Variants in MEIS1 observed in about 807,000 individuals in gnomAD.
MEIS1 encodes Meis homeobox 1, also known as homeobox protein Meis1.
Under a neutral mutation model 50.8 loss-of-function variants are expected in MEIS1, and 5 were observed. The observed-to-expected ratio is 0.10, with a 90% CI of 0.05 to 0.21. The LOEUF (loss-of-function observed/expected upper bound fraction) is 0.21. MEIS1 is among the 10% of genes least tolerant of loss of function. The pLI, the probability that MEIS1 is intolerant of heterozygous loss-of-function variation, is 1.00. For synonymous variants in MEIS1, 176 were observed against 179.3 expected (o/e 0.98, Z 0.15); for missense variants, 318 against 517.3 (o/e 0.61, Z 3.74).
chr2:66,467,367 T>TG lies in MEIS1; in HGVS notation c.742+3147_742+3148insG, dbSNP rs1558529096. On this transcript the variant is annotated intron_variant, in intron 7 of 12. Coordinates refer to ENST00000272369, the MANE Select transcript of MEIS1 (RefSeq NM_002398.3). ...ATCCCAGCAGTTTAGGAGGCCGAGG[T>TG]AGGGGGGGGTCACAAGGTCAGGAGT... Among the ~76,000 whole-genome samples the TG allele has an allele frequency of 1.3e-3, 190 of 149,874 alleles. 2 individuals are homozygous for TG. Among genetic ancestry groups the TG allele is most frequent in the African/African-American group, 4.6e-3 (184 of 40,242 alleles).
At chr2:66,445,794 T>C (rs1352067653) in intron 6 of MEIS1, among the ~76,000 whole-genome samples, 1 of 152,190 alleles carries the variant, frequency 6.6e-6, no homozygotes, top group Non-Finnish European at 1.5e-5. Context: ...CTTGTAGCGT[T>C]AGTCCTTTCT....
chr2:66,543,510 G>A (rs1674707192), intron 8 of MEIS1, among the ~76,000 whole-genome samples: 1 of 152,148 alleles, frequency 6.6e-6, no homozygotes, highest in South Asian at 2.1e-4. Flanking sequence ...TCTCTCTGCA[G>A]CCAAACCAGC....
At chr2:66,549,396 G>A (rs1005093529) in intron 9 of MEIS1, among the ~76,000 whole-genome samples, 2 of 151,902 alleles carry the variant, frequency 1.3e-5, no homozygotes, top group Non-Finnish European at 2.9e-5. Context: ...TTGTGTGGCT[G>A]CTGAGGTTTT....
chr2:66,440,071 A>C (rs1417173525), intron 3 of MEIS1, 87 bp downstream of exon 3: 4 of 1,013,914 alleles, frequency 3.9e-6, no homozygotes, highest in Non-Finnish European at 5.6e-6. Flanking sequence ...GCGCGCGAAC[A>C]CACACACACA....
At position 66,435,854 on chromosome 2, in the gene MEIS1, C is replaced by G; in HGVS notation, c.-3C>G. 6.4e-7 allele frequency: 1 copy of G among 1,568,494 alleles called. No homozygotes were observed. The highest frequency in any genetic ancestry group is 1.2e-5 in the South Asian group (1 of 84,110). ...TGAAGTAGGAAGGGAGCCAGAGAGG[C>G]CGATGGCGCAAAGGGTACGTATTAA... On this transcript the variant is annotated 5_prime_UTR_variant, in exon 1 of 13. Coordinates refer to ENST00000272369, the MANE Select transcript of MEIS1 (RefSeq NM_002398.3).
intron 8 of MEIS1, among the ~76,000 whole-genome samples, chr2:66,519,578 G>A (rs1015103270): frequency 3.3e-5 from 5 of 152,112 alleles, no homozygotes; most frequent in Non-Finnish European, 5.9e-5. Context: ...GTTATGCTAC[G>A]CAACCTTCTA....
intron 1 of MEIS1, 134 bp downstream of exon 1, chr2:66,436,002 C>T (rs1298180863): frequency 1.3e-5 from 9 of 683,452 alleles, no homozygotes; most frequent in East Asian, 1.3e-4. Context: ...GTGGCCTAAG[C>T]GAGAGGATTT....
chr2:66,544,620 C>T (rs1044715484), intron 8 of MEIS1, among the ~76,000 whole-genome samples: 3 of 152,068 alleles, frequency 2.0e-5, no homozygotes, highest in African/African-American at 4.8e-5. Context: ...TGTCCAGGCT[C>T]ATTCATTTGT....
intron 8 of MEIS1, among the ~76,000 whole-genome samples, chr2:66,515,420 A>G (rs921961620): frequency 6.6e-6 from 1 of 152,064 alleles, no homozygotes; most frequent in Admixed American, 6.6e-5. Flanking sequence ...CAAAACAAAA[A>G]CCAACTTTCT....
At chr2:66,548,296 ATC>A (rs147502796) in intron 9 of MEIS1, among the ~76,000 whole-genome samples, 3,326 of 152,294 alleles carry the variant, frequency 0.022, 110 homozygotes, top group African/African-American at 0.075. Flanking sequence ...CTGTCAATGT[ATC>A]TCTCTCTATG....
intron 9 of MEIS1, among the ~76,000 whole-genome samples, chr2:66,563,064 C>G (rs1362050277): frequency 1.3e-5 from 2 of 152,088 alleles, no homozygotes; most frequent in East Asian, 3.9e-4. Context: ...AATGAGTGAG[C>G]AAAACTGTCA....
intron 8 of MEIS1, among the ~76,000 whole-genome samples, chr2:66,521,320 C>A (rs866145002): frequency 6.6e-5 from 10 of 152,028 alleles, no homozygotes; most frequent in African/African-American, 2.4e-4. Context: ...TCATGCAGAT[C>A]CTAACTAAAC....
intron 7 of MEIS1, among the ~76,000 whole-genome samples, chr2:66,493,612 C>T (rs1275992735): frequency 1.3e-5 from 2 of 152,050 alleles, no homozygotes; most frequent in Non-Finnish European, 2.9e-5. Context: ...TTCCTATATT[C>T]TCTGTGATGT....
intron 8 of MEIS1, among the ~76,000 whole-genome samples, chr2:66,518,088 C>A (rs115020325): frequency 5.9e-5 from 9 of 152,290 alleles, no homozygotes; most frequent in Non-Finnish European, 1.0e-4. Context: ...CTGGGCCTTT[C>A]TTCCCCACTT....
At chr2:66,516,525 C>CTTCT (rs942917499) in intron 8 of MEIS1, among the ~76,000 whole-genome samples, 8 of 151,708 alleles carry the variant, frequency 5.3e-5, no homozygotes, top group Admixed American at 2.6e-4. Context: ...CATTTTCTTT[C>CTTCT]TTCTTTCTTT....
At position 66,573,262 on chromosome 2, in the gene MEIS1, G is replaced by A. The variant is rs1675515851; in HGVS notation, c.*2054G>A. ...TTTCTGCATGGCAGCCGGCTAAATG[G>A]TAGAAAATAATATGTTTAAGCTGGA... On this transcript the variant is annotated 3_prime_UTR_variant, in exon 13 of 13. Transcript: ENST00000272369. 6.6e-6 allele frequency: 1 copy of A among 152,132 alleles called. No homozygotes were observed. The highest frequency in any genetic ancestry group is 6.5e-5 in the Admixed American group (1 of 15,290). The allele number at this position is 152,132 out of a possible 1,614,324, so 9.4% of individuals were successfully genotyped here.
intron 8 of MEIS1, among the ~76,000 whole-genome samples, chr2:66,539,342 G>GA (rs1392352393): frequency 1.3e-5 from 2 of 152,058 alleles, no homozygotes; most frequent in African/African-American, 4.8e-5. Context: ...AGAAATAAAA[G>GA]GTACACACAC....
At chr2:66,560,485 C>T (rs572868511) in intron 9 of MEIS1, among the ~76,000 whole-genome samples, 1 of 151,134 alleles carries the variant, frequency 6.6e-6, no homozygotes, top group South Asian at 2.1e-4. Flanking sequence ...TCCTCGGAGG[C>T]TGAAGTGGGA....
At position 66,437,955 on chromosome 2, in the gene MEIS1, C is replaced by A; in HGVS notation, c.231C>A (p.Ala77=). The change falls in exon 2 of 13, where the codon GCC becomes GCA. Residue 77 remains alanine, a synonymous_variant. Coordinates refer to ENST00000272369, the MANE Select transcript of MEIS1 (RefSeq NM_002398.3). Reference sequence around the variant, plus strand: ...ACGCTTTAAAGAGAGATAAAGATGCCATTTATGGGTAGGTACAATGGGCAG... The same window carrying A: ...ACGCTTTAAAGAGAGATAAAGATGCAATTTATGGGTAGGTACAATGGGCAG... ...VNDALKRDKD[A]IYGHPLFPLL... The A allele has an allele frequency of 6.4e-7, 1 of 1,570,906 alleles. No individual in the cohort carries two copies. The highest frequency in any genetic ancestry group is 2.4e-5 in the East Asian group (1 of 42,266).
Sources: allele counts gnomAD v4.1 joint callset (sites outside exome capture counted in the v4.1 genomes callset), GRCh38; gene constraint gnomAD v4.1.1; transcripts MANE v1.5; gene names NCBI Gene and HGNC (gene_info 2026-07-23, HGNC 2026-07-21).